The following RABGAP1L variants were observed in gnomAD, a reference collection of about 807,000 sequenced individuals.
RABGAP1L encodes RAB GTPase activating protein 1 like, also known as rab GTPase-activating protein 1-like.
Under a neutral mutation model 137.7 loss-of-function variants are expected in RABGAP1L, and 63 were observed. The ratio of observed to expected loss-of-function variants is 0.46; its 90% CI spans 0.37 to 0.56. RABGAP1L has a LOEUF of 0.56. Among genes scored for constraint, RABGAP1L ranks in the 20% least tolerant of loss-of-function variants. The pLI is 0.00. For missense variants in RABGAP1L, 1,095 were observed against 1,244.0 expected (o/e 0.88, Z 1.80); for synonymous variants, 431 against 433.7 (o/e 0.99, Z 0.08).
chr1:174,190,106 C>A (rs1667100149), intron 1 of RABGAP1L, among the ~76,000 whole-genome samples: 1 of 152,044 alleles, frequency 6.6e-6, no homozygotes, highest in Non-Finnish European at 1.5e-5. Flanking sequence ...GGATGAAGAC[C>A]ATCCTGGCCA....
chr1:174,877,292 TG>T, intron 19 of RABGAP1L: 2 of 894,164 alleles, frequency 2.2e-6, no homozygotes, highest in Non-Finnish European at 3.4e-6. Flanking sequence ...AGTTTCCTAC[TG>T]GGGGTGAATT....
intron 13 of RABGAP1L, among the ~76,000 whole-genome samples, chr1:174,500,843 G>T (rs1379007628): frequency 2.0e-5 from 3 of 152,114 alleles, no homozygotes; most frequent in African/African-American, 4.8e-5. Flanking sequence ...GAGGACATGG[G>T]CCTTCTATAA....
rs1238302808 is a variant in RABGAP1L, at chr1:174,766,848, T to A, written c.2211+14494T>A. Among the ~76,000 whole-genome samples, 10 of 152,314 alleles carry A rather than the reference T, an allele frequency of 6.6e-5. 1 individual carries two copies. The East Asian group carries it at 1.9e-3, about 29-fold the overall frequency. ...TGCCTCATTATGCCATCTTCCCTTT[T>A]GGAATCACCAATAGAACAGACTTGT... On this transcript the variant is annotated intron_variant, in intron 18 of 25. Transcript: ENST00000681986.
chr1:174,178,931 A>G (rs1201781889), intron 1 of RABGAP1L, among the ~76,000 whole-genome samples: 3 of 152,202 alleles, frequency 2.0e-5, no homozygotes, highest in Non-Finnish European at 4.4e-5. Flanking sequence ...GCAAACCACC[A>G]TGGCACATGT....
chr1:174,638,603 A>G (rs1674258619), intron 14 of RABGAP1L, among the ~76,000 whole-genome samples: 1 of 148,862 alleles, frequency 6.7e-6, no homozygotes, highest in Non-Finnish European at 1.5e-5. Flanking sequence ...TTATTGCGGC[A>G]TTATTCACAA....
intron 15 of RABGAP1L, among the ~76,000 whole-genome samples, chr1:174,689,727 C>G (rs1678740635): frequency 6.6e-6 from 1 of 152,138 alleles, no homozygotes; most frequent in Admixed American, 6.6e-5. Flanking sequence ...GTTTTTCTTC[C>G]TGTTGGACTT....
chr1:174,704,910 TAA>T (rs753779654), intron 17 of RABGAP1L, among the ~76,000 whole-genome samples: 9 of 152,206 alleles, frequency 5.9e-5, no homozygotes, highest in Non-Finnish European at 1.2e-4. Context: ...AATATTAAAA[TAA>T]GTGAATGCTA....
intron 18 of RABGAP1L, among the ~76,000 whole-genome samples, chr1:174,787,956 T>A (rs1035250436): frequency 6.6e-6 from 1 of 152,162 alleles, no homozygotes; most frequent in African/African-American, 2.4e-5. Context: ...CCACTTTTCT[T>A]TTATCTTCCT....
chr1:174,383,526 A>G (rs1392918521), intron 12 of RABGAP1L, among the ~76,000 whole-genome samples: 1 of 152,262 alleles, frequency 6.6e-6, no homozygotes, highest in Non-Finnish European at 1.5e-5. Context: ...GGAAAGGGCA[A>G]TATTCGGGTG....
chr1:174,437,180 A>G (rs1266471025), intron 13 of RABGAP1L, among the ~76,000 whole-genome samples: 1 of 152,240 alleles, frequency 6.6e-6, no homozygotes, highest in Admixed American at 6.5e-5. Context: ...CTCCAAAGGA[A>G]CGCAGCTCCT....
At chr1:174,430,031 G>T (rs559660374) in intron 13 of RABGAP1L, among the ~76,000 whole-genome samples, 1 of 152,136 alleles carries the variant, frequency 6.6e-6, no homozygotes. Flanking sequence ...ATTTAAAATT[G>T]TATTTCCCAA....
At chr1:174,385,339 T>C (rs1300011669) in intron 12 of RABGAP1L, among the ~76,000 whole-genome samples, 1 of 152,248 alleles carries the variant, frequency 6.6e-6, no homozygotes, top group African/African-American at 2.4e-5. Context: ...TGCTGTTTAC[T>C]CAAATATAGA....
chr1:174,387,064 G>T (rs1474892724), intron 12 of RABGAP1L, among the ~76,000 whole-genome samples: 1 of 152,144 alleles, frequency 6.6e-6, no homozygotes, highest in African/African-American at 2.4e-5. Context: ...CATCATCTTA[G>T]ACTCTTAGAG....
intron 1 of RABGAP1L, among the ~76,000 whole-genome samples, chr1:174,182,178 ATAAT>A (rs1666425277): frequency 6.6e-6 from 1 of 152,190 alleles, no homozygotes; most frequent in Non-Finnish European, 1.5e-5. Flanking sequence ...TTCATATTAA[ATAAT>A]TTGGTTTAGC....
rs186705374 is a variant in RABGAP1L at position 174,188,930 on chromosome 1, C to T, written c.-34+29273C>T. Among the ~76,000 whole-genome samples the T allele has an allele frequency of 1.9e-4, 29 of 152,302 alleles. No individual in the cohort carries two copies. The East Asian group carries it at 3.9e-3, about 20-fold the overall frequency. ...AGTCACCAGTTGTGTTAGCCTCTAA[C>T]GAGAGTCAGCATGTCCTTTGAAGCT... is the stretch of plus-strand genomic sequence containing the variant. On this transcript the variant is annotated intron_variant, in intron 1 of 25. Coordinates refer to ENST00000681986, the MANE Select transcript of RABGAP1L (RefSeq NM_001366446.1).
intron 13 of RABGAP1L, among the ~76,000 whole-genome samples, chr1:174,613,683 T>G (rs1293557188): frequency 2.0e-5 from 3 of 152,202 alleles, no homozygotes; most frequent in African/African-American, 7.2e-5. Flanking sequence ...TATTATTGTG[T>G]GGGAGTCTAA....
At chr1:174,680,336 G>A (rs921658514) in intron 14 of RABGAP1L, among the ~76,000 whole-genome samples, 2 of 152,126 alleles carry the variant, frequency 1.3e-5, no homozygotes, top group African/African-American at 4.8e-5. Flanking sequence ...AAAAGAGGCC[G>A]GAAGGATCTT....
chr1:174,637,884 A>G (rs1268701850), intron 14 of RABGAP1L, among the ~76,000 whole-genome samples: 1 of 152,224 alleles, frequency 6.6e-6, no homozygotes, highest in African/African-American at 2.4e-5. Context: ...GAATACTGGC[A>G]AATTATTGGA....
chr1:174,366,707 G>A (rs1684647716), intron 11 of RABGAP1L, among the ~76,000 whole-genome samples: 1 of 147,144 alleles, frequency 6.8e-6, no homozygotes. Flanking sequence ...CCCAGAAGGT[G>A]AAGGTTGCAG....
Sources: gnomAD v4.1 joint callset for allele counts (sites outside exome capture counted in the v4.1 genomes callset) on GRCh38, gnomAD v4.1.1 for gene constraint, MANE v1.5 for transcripts, NCBI Gene and HGNC (gene_info 2026-07-23, HGNC 2026-07-21) for gene names.